PLCL2: variants seen among roughly 807,000 people sequenced by gnomAD.
The protein encoded by PLCL2 is phospholipase C like 2.
A neutral mutation model predicts 79.6 loss-of-function variants in PLCL2; 4 were observed. That is an observed-to-expected ratio of 0.05 (90% CI 0.02 to 0.11). The LOEUF is 0.11. Ranked by LOEUF, PLCL2 falls within the 10% of genes least tolerant of loss-of-function variation. The pLI is 1.00. For synonymous variants in PLCL2, 484 were observed against 457.7 expected (o/e 1.06, Z -0.73); for missense variants, 895 against 1,291.0 (o/e 0.69, Z 4.70).
chr3:17,058,601 G>A (rs2064914651), intron 4 of PLCL2, among the ~76,000 whole-genome samples: 1 of 152,136 alleles, frequency 6.6e-6, no homozygotes, highest in African/African-American at 2.4e-5. Flanking sequence ...CAAGTCTAAA[G>A]TTTGGAGGAG....
intron 1 of PLCL2, among the ~76,000 whole-genome samples, chr3:16,982,266 C>T (rs1286438506): frequency 6.6e-6 from 1 of 152,160 alleles, no homozygotes; most frequent in Admixed American, 6.5e-5. Context: ...TTCATATAGC[C>T]TCTGCCCTCT....
intron 5 of PLCL2, among the ~76,000 whole-genome samples, chr3:17,069,668 A>G (rs1193568920): frequency 6.6e-6 from 1 of 152,190 alleles, no homozygotes; most frequent in African/African-American, 2.4e-5. Context: ...TTCCCCCTGA[A>G]GTTAAAAGCT....
chr3:17,034,601 TTG>T (rs2064622521), intron 3 of PLCL2, among the ~76,000 whole-genome samples: 3 of 152,214 alleles, frequency 2.0e-5, no homozygotes, highest in African/African-American at 7.2e-5. Flanking sequence ...ATGATCTTAC[TTG>T]TTTTCATTAA....
At chr3:17,017,824 A>T (rs1256464638) in intron 3 of PLCL2, among the ~76,000 whole-genome samples, 1 of 151,958 alleles carries the variant, frequency 6.6e-6, no homozygotes, top group Non-Finnish European at 1.5e-5. Context: ...CAATATCTAG[A>T]CTGTATTAAT....
intron 1 of PLCL2, among the ~76,000 whole-genome samples, chr3:16,917,094 C>T (rs1697014786): frequency 6.6e-6 from 1 of 152,084 alleles, no homozygotes; most frequent in African/African-American, 2.4e-5. Context: ...GTACTTAGCC[C>T]CTTTCTGTCC....
chr3:17,005,701 C>A (rs1274282239), intron 1 of PLCL2, among the ~76,000 whole-genome samples: 1 of 152,094 alleles, frequency 6.6e-6, no homozygotes, highest in Non-Finnish European at 1.5e-5. Flanking sequence ...GGCTAATGTA[C>A]AAATGAACCT....
At position 17,011,216 on chromosome 3, in the gene PLCL2, A is replaced by T. The variant is rs1213982537; in HGVS notation, c.1870A>T (p.Ile624Phe). The T allele has an allele frequency of 1.2e-6, 2 of 1,614,244 alleles. No homozygotes were observed. The highest frequency in any genetic ancestry group is 1.7e-5 in the Admixed American group (1 of 60,026). The change falls in exon 2 of 6, where the codon ATC (isoleucine) becomes TTC (phenylalanine). Residue 624 changes from isoleucine to phenylalanine, a missense_variant. Ile to Phe is a conservative substitution (Grantham distance 21). Around this residue, in one of 6 missense-constraint regions of PLCL2, gnomAD observed 242 missense variants for 399.5 expected, o/e 0.61. Transcript: ENST00000615277. The surrounding 1 kb of genome is among the most constrained non-coding windows in gnomAD (Gnocchi z 7.9). ...LCKELSELVS[I>F]CKSVQFKEFQ... ...TAAAGAACTGTCTGAACTGGTCAGCATCTGCAAATCAGTTCAGTTCAAAGA... is the reference window on the plus strand; with the variant it reads ...TAAAGAACTGTCTGAACTGGTCAGCTTCTGCAAATCAGTTCAGTTCAAAGA...
chr3:16,974,126 G>A (rs916770711), intron 1 of PLCL2, among the ~76,000 whole-genome samples: 7 of 152,188 alleles, frequency 4.6e-5, no homozygotes, highest in African/African-American at 1.4e-4. Flanking sequence ...TGGGGAGAGT[G>A]AGGCAGGGCA....
chr3:16,961,767 G>T (rs532071606), intron 1 of PLCL2, among the ~76,000 whole-genome samples: 30 of 152,254 alleles, frequency 2.0e-4, no homozygotes, highest in Admixed American at 1.8e-3. Flanking sequence ...GAGAGTTGTG[G>T]GATAGGGAGG....
At chr3:16,967,206 T>G (rs2063816458) in intron 1 of PLCL2, among the ~76,000 whole-genome samples, 1 of 152,168 alleles carries the variant, frequency 6.6e-6, no homozygotes, top group Non-Finnish European at 1.5e-5. Flanking sequence ...TTTGCTATTG[T>G]GAGTAGTCCT....
At position 16,975,781 on chromosome 3, in the gene PLCL2, A is replaced by C. The variant is rs144775462; in HGVS notation, c.328-33893A>C. Among the ~76,000 whole-genome samples the C allele has an allele frequency of 5.9e-5, 9 of 152,266 alleles. No homozygotes were observed. In the South Asian group the frequency reaches 6.2e-4, roughly 11 times the overall value. ...GAAGTCGCTGGACTGAAATCCTCTGAGTGCATGGGGCATAATTCATCCTGA... is the reference window on the plus strand; with the variant it reads ...GAAGTCGCTGGACTGAAATCCTCTGCGTGCATGGGGCATAATTCATCCTGA... On this transcript the variant is annotated intron_variant, in intron 1 of 5. Coordinates refer to ENST00000615277, the MANE Select transcript of PLCL2 (RefSeq NM_001144382.2).
At chr3:16,900,907 C>A (rs771108869) in intron 1 of PLCL2, among the ~76,000 whole-genome samples, 8 of 152,212 alleles carry the variant, frequency 5.3e-5, no homozygotes, top group Non-Finnish European at 7.3e-5. Flanking sequence ...ATTTCTCTCT[C>A]ACTTCAAAAA....
intron 1 of PLCL2, among the ~76,000 whole-genome samples, chr3:16,954,166 T>C (rs1211579826): frequency 6.6e-6 from 1 of 152,134 alleles, no homozygotes. Context: ...CCTAATGCTA[T>C]CCCTCCCCGC....
intron 3 of PLCL2, 65 bp from the exon 4 acceptor site, chr3:17,042,809 T>C: frequency 9.0e-7 from 1 of 1,113,066 alleles, no homozygotes; most frequent in Admixed American, 1.7e-5. Context: ...AAGAGCCTTG[T>C]GCATGAATGC....
At chr3:17,082,661 C>T (rs1253711976) in intron 5 of PLCL2, among the ~76,000 whole-genome samples, 2 of 152,102 alleles carry the variant, frequency 1.3e-5, no homozygotes, top group African/African-American at 4.8e-5. Context: ...TAAGATTCAA[C>T]CAGATGAAGA....
intron 1 of PLCL2, among the ~76,000 whole-genome samples, chr3:16,977,386 C>T (rs1028079407): frequency 2.0e-5 from 3 of 152,178 alleles, no homozygotes; most frequent in Admixed American, 2.0e-4. Flanking sequence ...ACCACACTAG[C>T]TTCCCTTCAT....
chr3:17,063,331 G>GTTTTTTT (rs2064975208), intron 4 of PLCL2, among the ~76,000 whole-genome samples: 1 of 96,994 alleles, frequency 1.0e-5, no homozygotes. Context: ...TTTTAGGATA[G>GTTTTTTT]ACAGTCTTAC....
chr3:16,929,978 C>T (rs916325894), intron 1 of PLCL2, among the ~76,000 whole-genome samples: 1 of 152,154 alleles, frequency 6.6e-6, no homozygotes, highest in Non-Finnish European at 1.5e-5. Flanking sequence ...ACAGAGGCCT[C>T]TCTTTTAGAC....
chr3:17,026,699 C>G (rs2064520796), intron 3 of PLCL2, among the ~76,000 whole-genome samples: 1 of 152,058 alleles, frequency 6.6e-6, no homozygotes, highest in Non-Finnish European at 1.5e-5. Flanking sequence ...GAAACCCCAT[C>G]TCTACTAAAA....
Sources: allele counts gnomAD v4.1 joint callset (sites outside exome capture counted in the v4.1 genomes callset), GRCh38; gene constraint gnomAD v4.1.1; regional missense constraint gnomAD v4.1.1; non-coding constraint Gnocchi (gnomAD v3.1); transcripts MANE v1.5; gene names NCBI Gene and HGNC (gene_info 2026-07-23, HGNC 2026-07-21).